CDADC1: variants seen among roughly 807,000 people sequenced by gnomAD.
CDADC1 encodes the protein dCTP deaminase.
In CDADC1, 39 loss-of-function variants were observed where a neutral mutation model predicts 54.9. That is an observed-to-expected ratio of 0.71 (90% CI 0.55 to 0.93). CDADC1 has a LOEUF of 0.93. CDADC1 is among the 40% of genes least tolerant of loss of function. The probability of loss-of-function intolerance (pLI) is 0.00; values close to 1 mark genes in which losing one functional copy is unlikely to be tolerated. For synonymous variants in CDADC1, 186 were observed against 204.0 expected, an observed-to-expected ratio of 0.91 and a Z score of 0.75; for missense variants, 518 against 618.8, an observed-to-expected ratio of 0.84 and a Z score of 1.73.
chr13:49,290,206 G>A (rs1351579015), intron 9 of CDADC1, among the ~76,000 whole-genome samples: 14 of 151,940 alleles, frequency 9.2e-5, no homozygotes, highest in Admixed American at 9.2e-4. Context: ...GGAGCGCACG[G>A]GAATTGATAA....
intron 6 of CDADC1, among the ~76,000 whole-genome samples, chr13:49,277,857 C>T (rs528771422): frequency 6.6e-6 from 1 of 152,244 alleles, no homozygotes; most frequent in Non-Finnish European, 1.5e-5. Context: ...TTTAGCCCAA[C>T]AGAAATTTTC....
intron 4 of CDADC1, among the ~76,000 whole-genome samples, chr13:49,261,350 G>A (rs1192283577): frequency 1.3e-5 from 2 of 152,214 alleles, no homozygotes; most frequent in Admixed American, 1.3e-4. Context: ...CTCAACTGCA[G>A]TTACCAATAC....
In CDADC1 at chr13:49,292,335, T is replaced by A; in HGVS notation, c.*578T>A. The A allele has an allele frequency of 1.0e-6, 1 of 985,360 alleles. No homozygotes were observed. The highest frequency in any genetic ancestry group is 1.2e-6 in the Non-Finnish European group (1 of 827,976). The allele number at this position is 985,360 out of a possible 1,614,324, so 61.0% of individuals were successfully genotyped here. ...TTTTTAAAGTATATTTTGTAAATGT[T>A]AATTCTGTGGTCCTGTTTATCACAG... is the stretch of plus-strand genomic sequence containing the variant. On this transcript the variant is annotated 3_prime_UTR_variant, in exon 10 of 10. Coordinates refer to ENST00000251108, the MANE Select transcript of CDADC1 (RefSeq NM_030911.4).
chr13:49,278,232 A>G (rs1953202412), intron 6 of CDADC1, 118 bp from the exon 7 acceptor site: 1 of 691,686 alleles, frequency 1.4e-6, no homozygotes, highest in Non-Finnish European at 2.2e-6. Flanking sequence ...AGCTCAGTTT[A>G]CTGTAGAAAA....
chr13:49,273,531 G>T (rs185655189), intron 5 of CDADC1, among the ~76,000 whole-genome samples: 13 of 152,246 alleles, frequency 8.5e-5, no homozygotes, highest in Non-Finnish European at 1.6e-4. Flanking sequence ...TCAGATTAAT[G>T]GTTTTAAGAA....
chr13:49,288,393 A>C (rs1385683578), intron 9 of CDADC1, among the ~76,000 whole-genome samples: 4 of 152,224 alleles, frequency 2.6e-5, no homozygotes, highest in African/African-American at 9.7e-5. Context: ...TACAGGCATC[A>C]CTACAACATA....
intron 4 of CDADC1, among the ~76,000 whole-genome samples, chr13:49,264,682 CACTGCACT>C (rs1952773034): frequency 6.6e-6 from 1 of 151,010 alleles, no homozygotes; most frequent in Non-Finnish European, 1.5e-5. Context: ...ATGATGTCAC[CACTGCACT>C]CCAGCTTGGG....
At chr13:49,272,669 T>C (rs1953001765) in intron 5 of CDADC1, among the ~76,000 whole-genome samples, 1 of 150,642 alleles carries the variant, frequency 6.6e-6, no homozygotes, top group Non-Finnish European at 1.5e-5. Context: ...TTTTTTTTTT[T>C]TTTTTTGAGA....
At chr13:49,275,080 G>A (rs2138238932) in intron 6 of CDADC1, among the ~76,000 whole-genome samples, 1 of 147,024 alleles carries the variant, frequency 6.8e-6, no homozygotes, top group South Asian at 2.1e-4. Context: ...TATTCTTGGT[G>A]AACATTCTTT....
At chr13:49,264,484 C>T (rs1430813608) in intron 4 of CDADC1, among the ~76,000 whole-genome samples, 2 of 150,118 alleles carry the variant, frequency 1.3e-5, no homozygotes, top group African/African-American at 2.5e-5. Context: ...CATTGTGAGG[C>T]CAGTGGGAGG....
At chr13:49,271,850 A>C (rs113485143) in intron 5 of CDADC1, among the ~76,000 whole-genome samples, 2 of 152,222 alleles carry the variant, frequency 1.3e-5, no homozygotes, top group Non-Finnish European at 1.5e-5. Flanking sequence ...TGACCAGATC[A>C]TAGGGAGCAA....
intron 4 of CDADC1, chr13:49,265,794 C>G: frequency 2.5e-6 from 3 of 1,195,468 alleles, no homozygotes. Flanking sequence ...ATCCTGAGAT[C>G]AAAAAATTTG....
intron 2 of CDADC1, among the ~76,000 whole-genome samples, chr13:49,253,848 CCTAA>C (rs1361775098): frequency 6.6e-6 from 1 of 152,058 alleles, no homozygotes; most frequent in Non-Finnish European, 1.5e-5. Flanking sequence ...CACCTAGCCT[CCTAA>C]CTCTTTCCAT....
At chr13:49,259,080 A>G (rs1458897653) in intron 3 of CDADC1, among the ~76,000 whole-genome samples, 2 of 152,218 alleles carry the variant, frequency 1.3e-5, no homozygotes, top group South Asian at 2.1e-4. Context: ...GTTATAATGT[A>G]TCTAATCTTT....
At chr13:49,279,723 G>A (rs545004513) in intron 7 of CDADC1, among the ~76,000 whole-genome samples, 116 of 152,326 alleles carry the variant, frequency 7.6e-4, no homozygotes, top group African/African-American at 2.6e-3. Context: ...CAAGGAAGAT[G>A]GATGTGGAAG....
At chr13:49,285,085 T>G (rs1390149556) in intron 8 of CDADC1, among the ~76,000 whole-genome samples, 1 of 152,120 alleles carries the variant, frequency 6.6e-6, no homozygotes, top group African/African-American at 2.4e-5. Context: ...TGATATAAAA[T>G]GATATGATGC....
In CDADC1 at chr13:49,292,770, T is replaced by TCTC. The variant is rs1306563978; in HGVS notation, c.*1016_*1018dup. 1 of 1,278,634 alleles carries TCTC rather than the reference T, an allele frequency of 7.8e-7. No individual in the cohort carries two copies. The highest frequency in any genetic ancestry group is 1.0e-6 in the Non-Finnish European group (1 of 984,650). 79.2% of individuals were successfully genotyped at this position (1,278,634 alleles called of 1,614,324 possible). ...AAAAATGAAGGTACATTTTCTGTTCTCTCCTAGGTTAGAGAGGGGTGGCCT... is the reference window on the plus strand; with the variant it reads ...AAAAATGAAGGTACATTTTCTGTTCTCTCCTCCTAGGTTAGAGAGGGGTGGCCT... On this transcript the variant is annotated 3_prime_UTR_variant, in exon 10 of 10. Transcript: ENST00000251108.
chr13:49,249,151 A>T (rs3764131), intron 2 of CDADC1, among the ~76,000 whole-genome samples, 186 bp downstream of exon 2: 93,391 of 152,074 alleles, frequency 0.61, 29,845 homozygotes, highest in South Asian at 0.77. Context: ...TTCTAAAAAT[A>T]CTTTCTGAGA....
At chr13:49,253,806 C>T (rs559701614) in intron 2 of CDADC1, among the ~76,000 whole-genome samples, 1 of 152,254 alleles carries the variant, frequency 6.6e-6, no homozygotes, top group South Asian at 2.1e-4. Context: ...CTCAGCCTCC[C>T]GAAGTGGTAG....
Sources: gnomAD v4.1 joint callset for allele counts (sites outside exome capture counted in the v4.1 genomes callset) on GRCh38, gnomAD v4.1.1 for gene constraint, MANE v1.5 for transcripts, NCBI Gene and HGNC (gene_info 2026-07-23, HGNC 2026-07-21) for gene names.